Variants in FGF14 observed in about 807,000 individuals in gnomAD.
The protein encoded by FGF14 is fibroblast growth factor homologous factor 4.
A neutral mutation model predicts 25.5 loss-of-function variants in FGF14; 5 were observed. The ratio of observed to expected loss-of-function variants is 0.20; its 90% confidence interval spans 0.10 to 0.41. FGF14 has a LOEUF of 0.41. Among genes scored for constraint, FGF14 ranks in the 10% least tolerant of loss-of-function variants. The probability of loss-of-function intolerance (pLI) is 1.00; values close to 1 mark genes in which losing one functional copy is unlikely to be tolerated. For synonymous variants in FGF14, 138 were observed against 118.3 expected, an observed-to-expected ratio of 1.17 and a Z score of -1.08; for missense variants, 222 against 320.1, an observed-to-expected ratio of 0.69 and a Z score of 2.34.
chr13:101,909,742 G>A (rs1393641435), intron 1 of FGF14, among the ~76,000 whole-genome samples: 26 of 152,146 alleles, frequency 1.7e-4, no homozygotes, highest in Admixed American at 1.6e-3. Flanking sequence ...CCATTACTGG[G>A]TATATACCCA....
intron 3 of FGF14, among the ~76,000 whole-genome samples, chr13:101,831,925 T>C (rs1566952759): frequency 6.6e-6 from 1 of 152,086 alleles, no homozygotes; most frequent in South Asian, 2.1e-4. Context: ...TAGTGTGTGA[T>C]TGGGATTTAA....
chr13:102,372,671 T>C (rs1168109320), intron 1 of FGF14, among the ~76,000 whole-genome samples: 1 of 152,096 alleles, frequency 6.6e-6, no homozygotes, highest in Non-Finnish European at 1.5e-5. Context: ...TAGTTTTTTT[T>C]TTATAAAGGA....
At position 102,259,286 on chromosome 13, in the gene FGF14, C is replaced by G. The variant is rs148231665; in HGVS notation, c.208+142185G>C. ...CTGTGGACACAAACTGAGCCCCTCA[C>G]AGCTCCTCAACAGACCACACTCCCT... On this transcript the variant is annotated intron_variant, in intron 1 of 4. Transcript: ENST00000376131. Among the ~76,000 whole-genome samples, 712 of 152,344 alleles carry G rather than the reference C, an allele frequency of 4.7e-3. 8 individuals carry two copies. The highest frequency in any genetic ancestry group is 6.3e-3 in the Non-Finnish European group (428 of 68,018).
chr13:101,984,690 T>C (rs779369932), intron 1 of FGF14, among the ~76,000 whole-genome samples: 13 of 152,152 alleles, frequency 8.5e-5, no homozygotes, highest in Non-Finnish European at 1.9e-4. Flanking sequence ...GAGTAGCCTA[T>C]TTAGGAGGCA....
At chr13:101,818,023 G>A (rs2041928062) in intron 3 of FGF14, among the ~76,000 whole-genome samples, 1 of 152,158 alleles carries the variant, frequency 6.6e-6, no homozygotes, top group Non-Finnish European at 1.5e-5. Context: ...ATGCATCTAA[G>A]TGCTTACTAT....
At chr13:102,264,895 C>G (rs2052910068) in intron 1 of FGF14, among the ~76,000 whole-genome samples, 1 of 152,086 alleles carries the variant, frequency 6.6e-6, no homozygotes, top group Admixed American at 6.6e-5. Flanking sequence ...AGGTCAAGGT[C>G]AGTCTCCCAG....
chr13:102,124,739 T>C (rs958840095), intron 1 of FGF14, among the ~76,000 whole-genome samples: 1 of 152,136 alleles, frequency 6.6e-6, no homozygotes, highest in Non-Finnish European at 1.5e-5. Context: ...TTTGTCTTTC[T>C]CTAGCATCTC....
chr13:101,924,570 G>T (rs2034234984), intron 1 of FGF14, among the ~76,000 whole-genome samples: 1 of 152,070 alleles, frequency 6.6e-6, no homozygotes, highest in African/African-American at 2.4e-5. Flanking sequence ...AGTTAAGTGG[G>T]AATTAATAAT....
chr13:102,144,239 A>G (rs2140470159), intron 1 of FGF14, among the ~76,000 whole-genome samples: 1 of 152,212 alleles, frequency 6.6e-6, no homozygotes, highest in East Asian at 1.9e-4. Context: ...TAAGATTAAA[A>G]AATTTTTAAA....
At chr13:102,122,551 T>C (rs753965213) in intron 1 of FGF14, among the ~76,000 whole-genome samples, 4 of 152,200 alleles carry the variant, frequency 2.6e-5, no homozygotes, top group Non-Finnish European at 1.5e-5. Context: ...CCAGTGAGTA[T>C]CTTTCAGTTG....
At chr13:101,973,571 C>T (rs553861342) in intron 1 of FGF14, among the ~76,000 whole-genome samples, 13 of 152,140 alleles carry the variant, frequency 8.5e-5, no homozygotes, top group Non-Finnish European at 1.8e-4. Context: ...AGAGGCAGTC[C>T]GAGTTCCAAA....
chr13:102,112,786 CATA>C (rs1027511427), intron 1 of FGF14, among the ~76,000 whole-genome samples: 2 of 152,172 alleles, frequency 1.3e-5, no homozygotes, highest in African/African-American at 4.8e-5. Flanking sequence ...TTCTGAGCCT[CATA>C]ATAACTCTGC....
intron 3 of FGF14, among the ~76,000 whole-genome samples, chr13:101,850,475 T>G (rs1287809231): frequency 4.1e-4 from 1 of 2,444 alleles, no homozygotes; most frequent in Non-Finnish European, 7.2e-4. Flanking sequence ...TATATATATA[T>G]ATATATATAT....
intron 1 of FGF14, among the ~76,000 whole-genome samples, chr13:102,378,369 T>C (rs1367018009): frequency 1.3e-5 from 2 of 152,202 alleles, no homozygotes; most frequent in South Asian, 2.1e-4. Context: ...TCCAAAAATA[T>C]AAAGTCTTTA....
chr13:102,332,837 T>A (rs1338317443), intron 1 of FGF14, among the ~76,000 whole-genome samples: 1 of 152,180 alleles, frequency 6.6e-6, no homozygotes, highest in African/African-American at 2.4e-5. Context: ...ATATATATTT[T>A]AAGCATCAGT....
At chr13:102,130,640 C>G (rs1305361689) in intron 1 of FGF14, among the ~76,000 whole-genome samples, 1 of 152,090 alleles carries the variant, frequency 6.6e-6, no homozygotes, top group Non-Finnish European at 1.5e-5. Context: ...AATGACGGTT[C>G]TACCTATCAC....
intron 1 of FGF14, among the ~76,000 whole-genome samples, chr13:101,939,404 G>C (rs529599000): frequency 2.0e-5 from 3 of 152,146 alleles, no homozygotes; most frequent in African/African-American, 4.8e-5. Context: ...AACAATCTCA[G>C]TCCATTTCTT....
intron 1 of FGF14, among the ~76,000 whole-genome samples, chr13:102,149,371 G>C (rs554154649): frequency 6.6e-6 from 1 of 152,092 alleles, no homozygotes; most frequent in African/African-American, 2.4e-5. Context: ...GATAAAATAA[G>C]TCAACAGGCT....
At chr13:101,769,753 G>A (rs1441780640) in intron 3 of FGF14, among the ~76,000 whole-genome samples, 1 of 152,076 alleles carries the variant, frequency 6.6e-6, no homozygotes, top group Non-Finnish European at 1.5e-5. Context: ...TACTGTAAAA[G>A]GCAAAACAAT....
Sources: gnomAD v4.1 joint callset for allele counts (sites outside exome capture counted in the v4.1 genomes callset) on GRCh38, gnomAD v4.1.1 for gene constraint, MANE v1.5 for transcripts, NCBI Gene and HGNC (gene_info 2026-07-23, HGNC 2026-07-21) for gene names.